Variants in MED26 observed in about 807,000 individuals in gnomAD.
MED26 encodes mediator of RNA polymerase II transcription subunit 26.
MED26 carries 7 observed loss-of-function variants against 43.7 expected under a neutral mutation model. That is an observed-to-expected ratio of 0.16 (90% CI 0.09 to 0.30). MED26 has a LOEUF of 0.30. Ranked by LOEUF, MED26 falls within the 10% of genes least tolerant of loss-of-function variation. MED26 has a pLI of 1.00. For missense variants in MED26, 784 were observed against 840.6 expected, an observed-to-expected ratio of 0.93 and a Z score of 0.83; for synonymous variants, 375 against 371.1, an observed-to-expected ratio of 1.01 and a Z score of -0.12.
intron 1 of MED26, chr19:16,610,980 T>C (rs911690937): frequency 6.6e-6 from 1 of 152,160 alleles, no homozygotes; most frequent in African/African-American, 2.4e-5. Context: ...GCCTGTAGCA[T>C]GTGTAGATCA....
chr19:16,579,057 C>T (rs2086029554), intron 1 of MED26, among the ~76,000 whole-genome samples: 1 of 152,106 alleles, frequency 6.6e-6, no homozygotes, highest in Non-Finnish European at 1.5e-5. Context: ...GCTGAGACCA[C>T]ACCACTGCAC....
chr19:16,622,464 C>T (rs1366896392), intron 1 of MED26, among the ~76,000 whole-genome samples: 2 of 152,214 alleles, frequency 1.3e-5, no homozygotes, highest in Non-Finnish European at 2.9e-5. Flanking sequence ...CAGAGAAGGC[C>T]TTTAAATACA....
Position 16,575,872 on chromosome 19 carries a change from G to T in MED26, c.*155C>A. ...AAGAGTTTTGAGGGAAGAGCGCAGA[G>T]AGACCGCGTGACTCCCGCCCCCTCC... On this transcript the variant is annotated 3_prime_UTR_variant, in exon 3 of 3. Transcript: ENST00000263390. 1 of 638,456 alleles carries T rather than the reference G, an allele frequency of 1.6e-6. No homozygotes were observed. 39.5% of individuals were successfully genotyped at this position (638,456 alleles called of 1,614,324 possible).
chr19:16,602,851 T>G (rs2086156077), intron 1 of MED26, among the ~76,000 whole-genome samples: 2 of 152,008 alleles, frequency 1.3e-5, no homozygotes, highest in Admixed American at 6.6e-5. Flanking sequence ...GACGTGAGTG[T>G]TGAATGGGAA....
intron 1 of MED26, among the ~76,000 whole-genome samples, chr19:16,601,559 A>G (rs1168196134): frequency 6.6e-6 from 1 of 152,232 alleles, no homozygotes; most frequent in Non-Finnish European, 1.5e-5. Flanking sequence ...AGGCGAGCAG[A>G]CATGTGATGA....
intron 1 of MED26, among the ~76,000 whole-genome samples, chr19:16,625,409 G>A (rs763194154): frequency 1.4e-4 from 22 of 152,184 alleles, no homozygotes; most frequent in Non-Finnish European, 4.4e-5. Flanking sequence ...TCCTGACACC[G>A]ATTTTGCAAG....
intron 1 of MED26, among the ~76,000 whole-genome samples, chr19:16,592,540 A>C (rs1276209023): frequency 6.6e-6 from 1 of 152,190 alleles, no homozygotes; most frequent in Non-Finnish European, 1.5e-5. Flanking sequence ...TTAGCAAATC[A>C]CGCCACACAT....
At position 16,587,909 on chromosome 19, in the gene MED26, T is replaced by G. The variant is rs1436294554; in HGVS notation, c.73-9500A>C. 1 of 152,244 alleles carries G rather than the reference T, an allele frequency of 6.6e-6. No homozygotes were observed. The highest frequency in any genetic ancestry group is 2.4e-5 in the African/African-American group (1 of 41,464). The allele number at this position is 152,244 out of a possible 1,614,324, so 9.4% of individuals were successfully genotyped here. A position where few individuals can be genotyped will look rare whatever the true frequency, so the allele number is the denominator to read the frequency against. On this transcript the variant is annotated intron_variant, in intron 1 of 2. Coordinates refer to ENST00000263390, the MANE Select transcript of MED26 (RefSeq NM_004831.5). This position sits in a 1 kb window ranked among gnomAD's most constrained non-coding sequence, Gnocchi z 4.9. ...AGCTCCATCAGTAGGCATGCCTGAC[T>G]TCTGCAGCGAGGGAAACTTGCAGAT...
At position 16,576,973 on chromosome 19, in the gene MED26, C is replaced by A; in HGVS notation, c.857G>T (p.Arg286Leu). Reference sequence around the variant, plus strand: ...CTTGGGTGCATACAAGCTCTGCTGCCGGGCAAAGGAGCCCTCATGCCGTGA... The same window carrying A: ...CTTGGGTGCATACAAGCTCTGCTGCAGGGCAAAGGAGCCCTCATGCCGTGA... ...RNSRHEGSFA[R>L]QQSLYAPKGS... Residue 286 changes from arginine to leucine, a missense_variant, in exon 3 of 3, where the codon CGG (arginine) becomes CTG (leucine). By Grantham distance (102) the Arg-to-Leu change is moderately radical. This residue lies in a region of MED26 where 719 missense variants were observed against 730.9 expected (regional missense o/e 0.98). Coordinates refer to ENST00000263390, the MANE Select transcript of MED26 (RefSeq NM_004831.5). This position sits in a 1 kb window ranked among gnomAD's most constrained non-coding sequence, Gnocchi z 6.8. The A allele has an allele frequency of 6.2e-7, 1 of 1,600,668 alleles. No individual in the cohort carries two copies. The highest frequency in any genetic ancestry group is 8.5e-7 in the Non-Finnish European group (1 of 1,171,630).
rs2086070839 is a variant in MED26, at chr19:16,586,409, G to A, written c.73-8000C>T. 6.6e-6 allele frequency among the ~76,000 whole-genome samples: 1 copy of A among 152,230 alleles called. No individual in the cohort carries two copies. On this transcript the variant is annotated intron_variant, in intron 1 of 2. Transcript: ENST00000263390. The surrounding 1 kb of genome is among the most constrained non-coding windows in gnomAD (Gnocchi z 5.1). ...GGCCCATCTGGTGCTTTGAGTAGGTGGGGTGAAGGGTACCAGGTGCCACCA... is the reference window on the plus strand; with the variant it reads ...GGCCCATCTGGTGCTTTGAGTAGGTAGGGTGAAGGGTACCAGGTGCCACCA...
intron 1 of MED26, among the ~76,000 whole-genome samples, chr19:16,599,723 C>T (rs1194171374): frequency 5.9e-5 from 9 of 152,098 alleles, no homozygotes; most frequent in African/African-American, 1.9e-4. Flanking sequence ...CCTGCCAAAC[C>T]GCTCCCCTAC....
At position 16,577,369 on chromosome 19, in the gene MED26, C is replaced by T. The variant is rs201117259; in HGVS notation, c.461G>A (p.Arg154His). ...TGGCGGCCCTGGGTGGCCGAGGTCA[C>T]GCTGGTCACCCCGGCGCTTGCGGCT... The part of the protein sequence containing the change: ...LGSRKRRGDQ[R>H]DLGHPGPPPK... Residue 154 changes from arginine to histidine, a missense_variant, in exon 3 of 3, where the codon CGT becomes CAT. By Grantham distance (29) the Arg-to-His change is conservative. Coordinates refer to ENST00000263390, the MANE Select transcript of MED26 (RefSeq NM_004831.5). This position sits in a 1 kb window ranked among gnomAD's most constrained non-coding sequence, Gnocchi z 8.1. 5.4e-5 allele frequency: 87 copies of T among 1,611,160 alleles called. 2 individuals are homozygous for T. The South Asian group carries it at 8.2e-4, about 15-fold the overall frequency.
At chr19:16,596,765 A>G (rs1022997516) in intron 1 of MED26, among the ~76,000 whole-genome samples, 3 of 152,106 alleles carry the variant, frequency 2.0e-5, no homozygotes, top group Non-Finnish European at 2.9e-5. Flanking sequence ...ACCTGGGGTA[A>G]GGTCTTCCAA....
Position 16,598,804 on chromosome 19 carries a change from G to A in MED26, c.73-20395C>T, listed in dbSNP as rs149703904. Among the ~76,000 whole-genome samples, 263 of 152,262 alleles carry A rather than the reference G, an allele frequency of 1.7e-3. 1 individual carries two copies. The highest frequency in any genetic ancestry group is 6.1e-3 in the Admixed American group (93 of 15,286). ...TCTGTAATAACCTTTAGGACAAACTGTAAGGGAGAAAATGTGCTATGATGA... is the reference window on the plus strand; with the variant it reads ...TCTGTAATAACCTTTAGGACAAACTATAAGGGAGAAAATGTGCTATGATGA... On this transcript the variant is annotated intron_variant, in intron 1 of 2. Coordinates refer to ENST00000263390, the MANE Select transcript of MED26 (RefSeq NM_004831.5).
rs899951464 is a variant in MED26 at position 16,575,049 on chromosome 19, C to T, written c.*978G>A. On this transcript the variant is annotated 3_prime_UTR_variant, in exon 3 of 3. Transcript: ENST00000263390. ...AGGTACTGTACATTCACTAAGGCTC[C>T]TTGTTTTTGCAAATCGCGTTTATGA... 1.3e-5 allele frequency: 2 copies of T among 152,474 alleles called. No homozygotes were observed. The highest frequency in any genetic ancestry group is 4.1e-4 in the South Asian group (2 of 4,830). 9.4% of individuals were successfully genotyped at this position (152,474 alleles called of 1,614,324 possible).
chr19:16,618,976 C>T (rs1337672559), intron 1 of MED26, among the ~76,000 whole-genome samples: 2 of 152,244 alleles, frequency 1.3e-5, no homozygotes, highest in East Asian at 3.9e-4. Context: ...GACAGAAAAA[C>T]CAGGTCCTCA....
Position 16,577,481 on chromosome 19 carries a change from C to T in MED26, c.349G>A (p.Ala117Thr). The T allele has an allele frequency of 6.3e-7, 1 of 1,589,078 alleles. No homozygotes were observed. Among genetic ancestry groups the T allele is most frequent in the Non-Finnish European group, 8.6e-7 (1 of 1,165,048 alleles). Reference sequence around the variant, plus strand: ...TGGATGCTCCTGGGTGGGCCAGCCGCCCCCACCTCCGGCCGGCAGTTGTGT... The same window carrying T: ...TGGATGCTCCTGGGTGGGCCAGCCGTCCCCACCTCCGGCCGGCAGTTGTGT... ...GAHNCRPEVG[A>T]AGPPRSIHDL... The change falls in exon 3 of 3, where the codon GCG (alanine) becomes ACG (threonine). Residue 117 changes from alanine to threonine, a missense_variant. By Grantham distance (58) the Ala-to-Thr change is moderately conservative (BLOSUM62 0). Transcript: ENST00000263390. This position sits in a 1 kb window ranked among gnomAD's most constrained non-coding sequence, Gnocchi z 8.1.
At chr19:16,596,689 A>G in intron 1 of MED26, among the ~76,000 whole-genome samples, 1 of 152,174 alleles carries the variant, frequency 6.6e-6, no homozygotes, top group East Asian at 1.9e-4. Flanking sequence ...TGGAAGAGGC[A>G]AGAGCAGATC....
intron 1 of MED26, among the ~76,000 whole-genome samples, chr19:16,581,426 C>G (rs1211105571): frequency 6.6e-6 from 1 of 152,224 alleles, no homozygotes; most frequent in Non-Finnish European, 1.5e-5. Flanking sequence ...AGCACCGACT[C>G]AGTCCCTGGG....
Sources: allele counts gnomAD v4.1 joint callset (sites outside exome capture counted in the v4.1 genomes callset), GRCh38; gene constraint gnomAD v4.1.1; regional missense constraint gnomAD v4.1.1; non-coding constraint Gnocchi (gnomAD v3.1); transcripts MANE v1.5; gene names NCBI Gene and HGNC (gene_info 2026-07-23, HGNC 2026-07-21).